SYNJ2: variants seen among roughly 807,000 people sequenced by gnomAD.
SYNJ2 encodes the protein polyphosphatidylinositol phosphatase SYNJ2.
A neutral mutation model predicts 141.3 loss-of-function variants in SYNJ2; 116 were observed. That is an observed-to-expected ratio of 0.82 (90% confidence interval 0.71 to 0.96). SYNJ2 has a LOEUF of 0.96. Ranked by LOEUF, SYNJ2 falls within the 40% of genes least tolerant of loss-of-function variation. SYNJ2 has a pLI of 0.00. For synonymous variants in SYNJ2, 745 were observed against 777.7 expected (o/e 0.96, Z 0.70); for missense variants, 1,873 against 1,934.8 (o/e 0.97, Z 0.60).
intron 9 of SYNJ2, among the ~76,000 whole-genome samples, chr6:158,064,284 C>T (rs1781417214): frequency 9.6e-6 from 1 of 104,124 alleles, no homozygotes; most frequent in East Asian, 3.2e-4. Flanking sequence ...GCTGGGGGGT[C>T]GGGGGTAGGG....
intron 1 of SYNJ2, among the ~76,000 whole-genome samples, chr6:157,995,049 G>A (rs1247793081): frequency 6.6e-6 from 1 of 152,196 alleles, no homozygotes; most frequent in Non-Finnish European, 1.5e-5. Flanking sequence ...ACTGGCAAAG[G>A]CCTTTTCCCA....
At chr6:158,092,802 G>T in intron 25 of SYNJ2, 124 bp from the exon 26 acceptor site, 1 of 938,372 alleles carries the variant, frequency 1.1e-6, no homozygotes. Flanking sequence ...ACTGAATCTA[G>T]CTGATTACTC....
chr6:158,002,935 CA>C (rs1777916084), intron 1 of SYNJ2, among the ~76,000 whole-genome samples: 1 of 152,196 alleles, frequency 6.6e-6, no homozygotes, highest in Admixed American at 6.5e-5. Context: ...AACTCAACTA[CA>C]AAGACTCAGT....
chr6:157,999,995 A>C (rs921914377), intron 1 of SYNJ2, among the ~76,000 whole-genome samples: 2 of 142,140 alleles, frequency 1.4e-5, no homozygotes, highest in Non-Finnish European at 3.0e-5. Context: ...GCACCTCGGC[A>C]TGCAGTTTGG....
At chr6:158,065,195 C>T (rs965024817) in intron 11 of SYNJ2, among the ~76,000 whole-genome samples, 3 of 152,194 alleles carry the variant, frequency 2.0e-5, no homozygotes, top group Non-Finnish European at 2.9e-5. Flanking sequence ...TCCTCTGTCT[C>T]GGCTTGGACT....
At chr6:157,997,344 G>T (rs1777671111) in intron 1 of SYNJ2, among the ~76,000 whole-genome samples, 1 of 152,154 alleles carries the variant, frequency 6.6e-6, no homozygotes, top group Non-Finnish European at 1.5e-5. Context: ...GATCGTACTG[G>T]TATAGGGTGG....
chr6:158,000,064 C>CTGTTTTTTTTTTT (rs1777780917), intron 1 of SYNJ2, among the ~76,000 whole-genome samples: 1 of 85,572 alleles, frequency 1.2e-5, no homozygotes, highest in Non-Finnish European at 2.4e-5. Flanking sequence ...AGCCAAAAGG[C>CTGTTTTTTTTTTT]TTTTTTTTTT....
chr6:158,067,902 C>T (rs139139104), intron 12 of SYNJ2: 866 of 985,236 alleles, frequency 8.8e-4, no homozygotes, highest in Non-Finnish European at 1.0e-3. Context: ...TTAGCACAGC[C>T]GTGGCTCAAG....
At chr6:158,093,603 G>A (rs1288026514) in intron 26 of SYNJ2, among the ~76,000 whole-genome samples, 1 of 152,212 alleles carries the variant, frequency 6.6e-6, no homozygotes, top group Non-Finnish European at 1.5e-5. Flanking sequence ...GGCTCTGGCT[G>A]AGAAGAACGA....
chr6:158,038,291 C>G (rs1404478677), intron 4 of SYNJ2, among the ~76,000 whole-genome samples: 2 of 152,114 alleles, frequency 1.3e-5, no homozygotes, highest in Non-Finnish European at 2.9e-5. Context: ...TCCATGAAGT[C>G]CCCACCCAAC....
Position 158,084,096 on chromosome 6 carries a change from G to A in SYNJ2, c.3130G>A (p.Val1044Ile). 3 of 1,614,178 alleles carry A rather than the reference G, an allele frequency of 1.9e-6. No individual in the cohort carries two copies. The highest frequency in any genetic ancestry group is 1.7e-6 in the Non-Finnish European group (2 of 1,180,026). ...ACTCGGGGGAGACGACCTCTCTGAT[G>A]TCCCCGGCCCCACAGCACTGGCTCC... The part of the protein sequence containing the change: ...SELGGDDLSD[V>I]PGPTALAPPS... The change falls in exon 22 of 27, where the codon GTC (valine) becomes ATC (isoleucine). Residue 1044 changes from valine to isoleucine, a missense_variant. Transcript: ENST00000355585. The surrounding 1 kb of genome is among the most constrained non-coding windows in gnomAD (Gnocchi z 5.0).
Position 158,093,089 on chromosome 6 carries a change from G to T in SYNJ2, c.3729G>T (p.Leu1243Phe). The change falls in exon 26 of 27, where the codon TTG (leucine) becomes TTT (phenylalanine). Residue 1243 changes from leucine to phenylalanine, a missense_variant. Transcript: ENST00000355585. ...TTCCTGCCATCAAGAAGCCAACCTT[G>T]AGAAGGACAGGAAAGGTAAAAGCCT... is the stretch of plus-strand genomic sequence containing the variant. ...PRVPAIKKPT[L>F]RRTGKPLSPE... 14 of 1,610,184 alleles carry T rather than the reference G, an allele frequency of 8.7e-6. No homozygotes were observed. The highest frequency in any genetic ancestry group is 1.2e-5 in the Non-Finnish European group (14 of 1,178,954).
intron 4 of SYNJ2, among the ~76,000 whole-genome samples, chr6:158,039,576 C>T (rs1488532559): frequency 1.3e-5 from 2 of 152,214 alleles, no homozygotes; most frequent in African/African-American, 2.4e-5. Context: ...TGGGTTGGGA[C>T]GGTGTCATGA....
Position 158,063,793 on chromosome 6 carries a change from T to C in SYNJ2, c.1130T>C (p.Phe377Ser), listed in dbSNP as rs1243925011. Residue 377 changes from phenylalanine to serine, a missense_variant and splice_region_variant, in exon 9 of 27, where the codon TTT (phenylalanine) becomes TCT (serine). By Grantham distance (155) the Phe-to-Ser change is radical (BLOSUM62 -2). Transcript: ENST00000355585. ...TTTACATTTCTTCTTGTCCTAAGTT[T>C]TCAGAAAGGCACTTTGCGGATGAAC... ...FTKGENVSPR[F>S]QKGTLRMNCL... 1.2e-6 allele frequency: 2 copies of C among 1,613,010 alleles called. No homozygotes were observed. The highest frequency in any genetic ancestry group is 1.7e-6 in the Non-Finnish European group (2 of 1,179,414).
chr6:158,013,140 G>A (rs1462627015), intron 1 of SYNJ2, among the ~76,000 whole-genome samples: 1 of 152,210 alleles, frequency 6.6e-6, no homozygotes, highest in Non-Finnish European at 1.5e-5. Context: ...TCAGCACTTT[G>A]GAAGGCCGAG....
chr6:158,042,130 A>G (rs1222467882), intron 4 of SYNJ2, among the ~76,000 whole-genome samples: 2 of 152,278 alleles, frequency 1.3e-5, no homozygotes, highest in Admixed American at 6.5e-5. Flanking sequence ...ACGGTAGCCA[A>G]CTATGTCTGT....
chr6:158,090,542 G>GGTTTTTTTTTTTT (rs1783369526), intron 25 of SYNJ2, among the ~76,000 whole-genome samples: 1 of 113,924 alleles, frequency 8.8e-6, no homozygotes, highest in Non-Finnish European at 1.8e-5. Context: ...TTTTTTTTTT[G>GGTTTTTTTTTTTT]TTTTTTTTTT....
At chr6:158,004,533 G>T (rs769622645) in intron 1 of SYNJ2, among the ~76,000 whole-genome samples, 30 of 152,172 alleles carry the variant, frequency 2.0e-4, no homozygotes, top group Admixed American at 1.8e-3. Context: ...CCTGGGAATT[G>T]CCTACCCCTT....
At chr6:158,076,852 T>C (rs1026946381) in intron 17 of SYNJ2, 70 bp downstream of exon 17, 2 of 1,518,026 alleles carry the variant, frequency 1.3e-6, no homozygotes, top group African/African-American at 1.4e-5. Context: ...GAGAGTCACG[T>C]TTACCCAACC....
Sources: allele counts gnomAD v4.1 joint callset (sites outside exome capture counted in the v4.1 genomes callset), GRCh38; gene constraint gnomAD v4.1.1; non-coding constraint Gnocchi (gnomAD v3.1); transcripts MANE v1.5; gene names NCBI Gene and HGNC (gene_info 2026-07-23, HGNC 2026-07-21).